RNFT2: variants seen among roughly 807,000 people sequenced by gnomAD.
The protein encoded by RNFT2 is ring finger protein, transmembrane 2.
RNFT2 carries 36 observed loss-of-function variants against 53.0 expected under a neutral mutation model. The observed-to-expected ratio is 0.68, with a 90% CI of 0.52 to 0.90. The LOEUF is 0.90. Among genes scored for constraint, RNFT2 ranks in the 40% least tolerant of loss-of-function variants. The probability of loss-of-function intolerance (pLI) is 0.00; values close to 1 mark genes in which losing one functional copy is unlikely to be tolerated. For synonymous variants in RNFT2, 260 were observed against 253.2 expected, an observed-to-expected ratio of 1.03 and a Z score of -0.26; for missense variants, 514 against 585.6, an observed-to-expected ratio of 0.88 and a Z score of 1.26.
In RNFT2 at chr12:116,853,175, C is replaced by T. The variant is rs553031566; in HGVS notation, c.*3727C>T. On this transcript the variant is annotated 3_prime_UTR_variant, in exon 11 of 11. Coordinates refer to ENST00000257575, the MANE Select transcript of RNFT2 (RefSeq NM_001382266.1). ...CTACATGAATTCCCCTATACCAGTG[C>T]GAAAGCAGCCAGGAGTCCCCGTTGG... 11 of 399,418 alleles carry T rather than the reference C, an allele frequency of 2.8e-5. No homozygotes were observed. The South Asian group carries it at 5.0e-4, about 18-fold the overall frequency. 24.7% of individuals were successfully genotyped at this position (399,418 alleles called of 1,614,324 possible). A position where few individuals can be genotyped will look rare whatever the true frequency, so the allele number is the denominator to read the frequency against.
intron 7 of RNFT2, among the ~76,000 whole-genome samples, chr12:116,826,395 G>C (rs1207579741): frequency 6.6e-6 from 1 of 152,172 alleles, no homozygotes; most frequent in Non-Finnish European, 1.5e-5. Flanking sequence ...GTGGCAGGGA[G>C]GCGAGACAGC....
At chr12:116,841,585 TA>T (rs1397554789) in intron 10 of RNFT2, among the ~76,000 whole-genome samples, 1 of 148,204 alleles carries the variant, frequency 6.7e-6, no homozygotes, top group Non-Finnish European at 1.5e-5. Flanking sequence ...CGGTCTCTAC[TA>T]AAAATACAAA....
chr12:116,811,942 T>C (rs990816731), intron 7 of RNFT2, among the ~76,000 whole-genome samples: 1 of 152,204 alleles, frequency 6.6e-6, no homozygotes, highest in Admixed American at 6.5e-5. Flanking sequence ...GTTTGAATCC[T>C]GCCTTTGCCA....
chr12:116,767,769 A>T lies in RNFT2; in HGVS notation c.728+855A>T, dbSNP rs140087125. ...GAATTTTTGTATTTTTAGTAGAGAC[A>T]GGGTTTCACCATATTGGTCAAGCTG... On this transcript the variant is annotated intron_variant, in intron 6 of 10. Coordinates refer to ENST00000257575, the MANE Select transcript of RNFT2 (RefSeq NM_001382266.1). 5.3e-5 allele frequency among the ~76,000 whole-genome samples: 8 copies of T among 151,148 alleles called. No individual in the cohort carries two copies. The East Asian group carries it at 1.6e-3, about 30-fold the overall frequency.
chr12:116,783,964 C>T (rs1239561770), intron 7 of RNFT2, among the ~76,000 whole-genome samples: 3 of 152,360 alleles, frequency 2.0e-5, no homozygotes, highest in African/African-American at 7.2e-5. Context: ...GACCACATCC[C>T]TGTGAACAGG....
intron 7 of RNFT2, among the ~76,000 whole-genome samples, chr12:116,782,431 A>C (rs571237104): frequency 1.3e-5 from 2 of 152,106 alleles, no homozygotes; most frequent in South Asian, 4.2e-4. Flanking sequence ...GGAGCCCAAG[A>C]TGGGAGGATT....
chr12:116,832,354 A>G (rs1330367815), intron 7 of RNFT2, among the ~76,000 whole-genome samples: 2 of 151,988 alleles, frequency 1.3e-5, no homozygotes, highest in East Asian at 3.9e-4. Flanking sequence ...GATTCGACAT[A>G]ATGTTTGTGA....
intron 7 of RNFT2, among the ~76,000 whole-genome samples, chr12:116,818,743 T>C (rs1875827989): frequency 6.6e-6 from 1 of 152,192 alleles, no homozygotes; most frequent in Non-Finnish European, 1.5e-5. Context: ...TGGGTACAAG[T>C]CCCAGTTCTG....
At chr12:116,778,425 G>A (rs1566078386) in intron 6 of RNFT2, among the ~76,000 whole-genome samples, 1 of 152,184 alleles carries the variant, frequency 6.6e-6, no homozygotes, top group Admixed American at 6.5e-5. Flanking sequence ...AAGCCAAGAC[G>A]CCCCTGGGGT....
chr12:116,770,784 C>T (rs1006644064), intron 6 of RNFT2, among the ~76,000 whole-genome samples: 1 of 152,126 alleles, frequency 6.6e-6, no homozygotes, highest in African/African-American at 2.4e-5. Context: ...GTCTTGAACT[C>T]CTTGCCTCAA....
intron 7 of RNFT2, among the ~76,000 whole-genome samples, chr12:116,796,650 T>C (rs1382077007): frequency 6.6e-6 from 1 of 152,222 alleles, no homozygotes; most frequent in Non-Finnish European, 1.5e-5. Flanking sequence ...CCAGCACTTT[T>C]GCTCTCAAAG....
chr12:116,841,963 A>C lies in RNFT2; in HGVS notation c.1200+5681A>C, dbSNP rs536745179. Among the ~76,000 whole-genome samples the C allele has an allele frequency of 5.7e-4, 59 of 102,692 alleles. 3 individuals are homozygous for C. Among genetic ancestry groups the C allele is most frequent in the Admixed American group, 2.2e-3 (20 of 9,126 alleles). The allele number at this position is 102,692 out of a possible 152,430, so 67.4% of individuals were successfully genotyped here. A position where few individuals can be genotyped will look rare whatever the true frequency, so the allele number is the denominator to read the frequency against. ...TATATATATAAATATATATATAGAG[A>C]GAGAGAGAGAGAGAGAGAGAGAGGG... On this transcript the variant is annotated intron_variant, in intron 10 of 10. Coordinates refer to ENST00000257575, the MANE Select transcript of RNFT2 (RefSeq NM_001382266.1).
chr12:116,850,479 G>A lies in RNFT2; in HGVS notation c.*1031G>A, dbSNP rs1490775295. 6.6e-6 allele frequency: 1 copy of A among 151,992 alleles called. No individual in the cohort carries two copies. The highest frequency in any genetic ancestry group is 6.6e-5 in the Admixed American group (1 of 15,236). The allele number at this position is 151,992 out of a possible 1,614,324, so 9.4% of individuals were successfully genotyped here. A position where few individuals can be genotyped will look rare whatever the true frequency, so the allele number is the denominator to read the frequency against. On this transcript the variant is annotated 3_prime_UTR_variant, in exon 11 of 11. Transcript: ENST00000257575. ...AGCCCCTGTGCCCAGCCCACCTGCT[G>A]GTTATTTTAACTTAGTACCTAGTAC...
chr12:116,750,383 C>G, intron 4 of RNFT2, 76 bp downstream of exon 4: 1 of 1,401,044 alleles, frequency 7.1e-7, no homozygotes, highest in Non-Finnish European at 9.7e-7. Flanking sequence ...GGTGGGGGCT[C>G]CTCCTCTGAA....
Position 116,850,794 on chromosome 12 carries a change from AT to A in RNFT2, c.*1356del, listed in dbSNP as rs57855440. 0.045 allele frequency: 6,582 copies of A among 147,504 alleles called. 298 individuals are homozygous for A. Among genetic ancestry groups the A allele is most frequent in the African/African-American group, 0.13 (5,129 of 40,288 alleles). The allele number at this position is 147,504 out of a possible 1,614,324, so 9.1% of individuals were successfully genotyped here. A position where few individuals can be genotyped will look rare whatever the true frequency, so the allele number is the denominator to read the frequency against. ...AGATGCGTGCCACCATGCCCAGCTA[AT>A]TTTTTTTTTGTATTTTTAGTAGAGA... On this transcript the variant is annotated 3_prime_UTR_variant, in exon 11 of 11. Coordinates refer to ENST00000257575, the MANE Select transcript of RNFT2 (RefSeq NM_001382266.1).
intron 5 of RNFT2, among the ~76,000 whole-genome samples, chr12:116,757,578 A>G (rs1872558977): frequency 6.6e-6 from 1 of 151,920 alleles, no homozygotes; most frequent in African/African-American, 2.4e-5. Context: ...GTCATTTTTG[A>G]TCCAATGCTC....
chr12:116,788,826 A>AGATGGATGTATGGATGGATG (rs1874059962), intron 7 of RNFT2, among the ~76,000 whole-genome samples: 1 of 149,952 alleles, frequency 6.7e-6, no homozygotes, highest in African/African-American at 2.5e-5. Context: ...ATGGATGGAT[A>AGATGGATGTATGGATGGATG]GATGGATGGA....
At chr12:116,815,025 G>A (rs1043588735) in intron 7 of RNFT2, among the ~76,000 whole-genome samples, 7 of 144,182 alleles carry the variant, frequency 4.9e-5, no homozygotes, top group Admixed American at 3.4e-4. Context: ...CATGAGCCAC[G>A]GCGCCCAGCC....
intron 7 of RNFT2, among the ~76,000 whole-genome samples, chr12:116,780,145 A>T (rs1321765491): frequency 6.6e-6 from 1 of 152,184 alleles, no homozygotes; most frequent in African/African-American, 2.4e-5. Context: ...CTTGAGTGGT[A>T]ACTAACCCAA....
Sources: gnomAD v4.1 joint callset for allele counts (sites outside exome capture counted in the v4.1 genomes callset) on GRCh38, gnomAD v4.1.1 for gene constraint, MANE v1.5 for transcripts, NCBI Gene and HGNC (gene_info 2026-07-23, HGNC 2026-07-21) for gene names.